Variants in PHKB observed in about 807,000 individuals in gnomAD.
PHKB encodes phosphorylase kinase regulatory subunit beta, also known as phosphorylase b kinase regulatory subunit beta.
Under a neutral mutation model 152.1 loss-of-function variants are expected in PHKB, and 122 were observed. The ratio of observed to expected loss-of-function variants is 0.80; its 90% CI spans 0.69 to 0.93. The LOEUF (loss-of-function observed/expected upper bound fraction) is 0.93. PHKB is among the 40% of genes least tolerant of loss of function. The pLI is 0.00. For synonymous variants in PHKB, 436 were observed against 464.9 expected (o/e 0.94, Z 0.80); for missense variants, 1,304 against 1,328.4 (o/e 0.98, Z 0.29).
At chr16:47,463,552 A>G (rs1482321359) in intron 1 of PHKB, 1 of 210,854 alleles carries the variant, frequency 4.7e-6, no homozygotes, top group African/African-American at 2.3e-5. Context: ...GAGCTTTGTT[A>G]AACACTTGAC....
chr16:47,599,103 A>G (rs138270404), intron 13 of PHKB: 19 of 532,286 alleles, frequency 3.6e-5, no homozygotes, highest in Admixed American at 3.5e-4. Context: ...CCGTCTCACT[A>G]GCATAATTAC....
chr16:47,663,080 G>T (rs1417960226), intron 23 of PHKB, among the ~76,000 whole-genome samples: 3 of 152,092 alleles, frequency 2.0e-5, no homozygotes, highest in African/African-American at 7.2e-5. Flanking sequence ...TTGTTAAAAG[G>T]CTGTAAAAAG....
chr16:47,581,309 A>G (rs1380318667), intron 8 of PHKB, among the ~76,000 whole-genome samples: 1 of 152,134 alleles, frequency 6.6e-6, no homozygotes, highest in African/African-American at 2.4e-5. Context: ...AACTCCCTCT[A>G]GAGGATGGAT....
At chr16:47,585,801 T>C (rs962743474) in intron 8 of PHKB, among the ~76,000 whole-genome samples, 7 of 152,228 alleles carry the variant, frequency 4.6e-5, no homozygotes, top group Non-Finnish European at 8.8e-5. Context: ...AAAATAGAAG[T>C]TGGCTGTTTA....
intron 10 of PHKB, among the ~76,000 whole-genome samples, chr16:47,590,130 C>T (rs538474344): frequency 1.1e-4 from 17 of 152,162 alleles, no homozygotes; most frequent in Admixed American, 8.5e-4. Context: ...GGCTCACTCA[C>T]TGAAGGTAGG....
Position 47,517,234 on chromosome 16 carries a change from G to C in PHKB, c.594+1633G>C, listed in dbSNP as rs559066556. On this transcript the variant is annotated intron_variant, in intron 6 of 30. Transcript: ENST00000323584. ...TAGTGGCAACTAATATTGCTTACAA[G>C]TGGCTTTGTTTTGTTCAGTAATTTT... Among the ~76,000 whole-genome samples the C allele has an allele frequency of 2.0e-5, 3 of 151,726 alleles. No homozygotes were observed. In the South Asian group the frequency reaches 6.3e-4, roughly 32 times the overall value.
At chr16:47,556,449 A>G (rs1490909567) in intron 7 of PHKB, among the ~76,000 whole-genome samples, 1 of 152,202 alleles carries the variant, frequency 6.6e-6, no homozygotes, top group Non-Finnish European at 1.5e-5. Flanking sequence ...TCTCATCAAT[A>G]CCTAATTTAT....
intron 20 of PHKB, among the ~76,000 whole-genome samples, chr16:47,651,537 GGGC>G (rs2151732017): frequency 6.6e-6 from 1 of 152,262 alleles, no homozygotes; most frequent in Non-Finnish European, 1.5e-5. Context: ...CAGACTTTAA[GGGC>G]AGCTCTACAA....
intron 26 of PHKB, among the ~76,000 whole-genome samples, chr16:47,673,612 G>A (rs980549979): frequency 5.9e-5 from 9 of 152,062 alleles, no homozygotes; most frequent in Non-Finnish European, 1.2e-4. Flanking sequence ...CCTTACAATC[G>A]TACATCTCTT....
intron 10 of PHKB, among the ~76,000 whole-genome samples, chr16:47,591,724 A>T (rs898477296): frequency 6.6e-6 from 1 of 152,018 alleles, no homozygotes. Context: ...CACCCCCTGT[A>T]TGCAGCTGCC....
At chr16:47,541,431 A>C (rs906405372) in intron 6 of PHKB, among the ~76,000 whole-genome samples, 29 of 152,274 alleles carry the variant, frequency 1.9e-4, no homozygotes, top group Non-Finnish European at 3.4e-4. Flanking sequence ...AGTCTTTGCT[A>C]TTGTGAATAG....
intron 6 of PHKB, among the ~76,000 whole-genome samples, chr16:47,517,188 C>T (rs1970611774): frequency 6.6e-6 from 1 of 151,940 alleles, no homozygotes; most frequent in Non-Finnish European, 1.5e-5. Flanking sequence ...TGTGGAACAT[C>T]TTATGATAAC....
chr16:47,623,390 T>C (rs912543108), intron 14 of PHKB, among the ~76,000 whole-genome samples: 3 of 152,004 alleles, frequency 2.0e-5, no homozygotes, highest in African/African-American at 7.2e-5. Flanking sequence ...AATTGAATGT[T>C]TAGCATTTAA....
At chr16:47,580,201 TAAAG>T in intron 7 of PHKB, 90 bp from the exon 8 acceptor site, 1 of 892,672 alleles carries the variant, frequency 1.1e-6, no homozygotes, top group Non-Finnish European at 1.9e-6. Context: ...TAAATGTTAA[TAAAG>T]AAATTTGCTC....
chr16:47,593,754 A>G (rs527337407), intron 11 of PHKB, among the ~76,000 whole-genome samples, 197 bp downstream of exon 11: 2 of 152,294 alleles, frequency 1.3e-5, no homozygotes, highest in South Asian at 4.2e-4. Flanking sequence ...TAAATCATTT[A>G]AAGAATTAAA....
Position 47,596,613 on chromosome 16 carries a change from G to A in PHKB, c.1363+82G>A. 3 of 1,368,516 alleles carry A rather than the reference G, an allele frequency of 2.2e-6. No individual in the cohort carries two copies. The South Asian group carries it at 3.6e-5, about 16-fold the overall frequency. The allele number at this position is 1,368,516 out of a possible 1,614,324, so 84.8% of individuals were successfully genotyped here. A position where few individuals can be genotyped will look rare whatever the true frequency, so the allele number is the denominator to read the frequency against. On this transcript the variant is annotated intron_variant, in intron 13 of 30. Coordinates refer to ENST00000323584, the MANE Select transcript of PHKB (RefSeq NM_000293.3). ...TAAATATGCCTTTGCTGGTGTTTAT[G>A]TTGGATTTGGGTGGTGTTTCATGGT...
rs375509289 is a variant in PHKB, at chr16:47,684,383, G to A, written c.2631-4658G>A. Among the ~76,000 whole-genome samples, 22 of 152,214 alleles carry A rather than the reference G, an allele frequency of 1.4e-4. No homozygotes were observed. In the East Asian group the frequency reaches 2.5e-3, roughly 17 times the overall value. On this transcript the variant is annotated intron_variant, in intron 26 of 30. Coordinates refer to ENST00000323584, the MANE Select transcript of PHKB (RefSeq NM_000293.3). ...TTTACCACTGCTGTCAGATTTCCAT[G>A]TACTTTATTTCATATTGTACTCCTT...
At chr16:47,678,440 T>C (rs1973778605) in intron 26 of PHKB, among the ~76,000 whole-genome samples, 1 of 152,148 alleles carries the variant, frequency 6.6e-6, no homozygotes, top group African/African-American at 2.4e-5. Context: ...TGTTGTTTCC[T>C]GACTTTTTAA....
chr16:47,525,898 G>A (rs926270722), intron 6 of PHKB, among the ~76,000 whole-genome samples: 1 of 152,156 alleles, frequency 6.6e-6, no homozygotes, highest in African/African-American at 2.4e-5. Context: ...GGTTAGCTAG[G>A]TTTCTTGGGC....
Sources: allele counts gnomAD v4.1 joint callset (sites outside exome capture counted in the v4.1 genomes callset), GRCh38; gene constraint gnomAD v4.1.1; transcripts MANE v1.5; gene names NCBI Gene and HGNC (gene_info 2026-07-23, HGNC 2026-07-21).